The following LARP1B variants were observed in gnomAD, a reference collection of about 807,000 sequenced individuals.
The protein encoded by LARP1B is La ribonucleoprotein 1B.
A neutral mutation model predicts 114.2 loss-of-function variants in LARP1B; 76 were observed. The ratio of observed to expected loss-of-function variants is 0.67; its 90% confidence interval spans 0.55 to 0.81. The LOEUF (loss-of-function observed/expected upper bound fraction) is 0.81, where lower values mean the gene tolerates loss of function less well. Among genes scored for constraint, LARP1B ranks in the 30% least tolerant of loss-of-function variants. The pLI, the probability that LARP1B is intolerant of heterozygous loss-of-function variation, is 0.00. For synonymous variants in LARP1B, 345 were observed against 348.0 expected (o/e 0.99, Z 0.10); for missense variants, 1,014 against 1,075.8 (o/e 0.94, Z 0.80).
Position 128,184,037 on chromosome 4 carries a change from C to A in LARP1B, c.2003+4525C>A, listed in dbSNP as rs183872608. ...AGGAATTGCTTCTTATGGACGAGCA[C>A]AGAGAGTAGTTTCTTGAGATAGAAT... On this transcript the variant is annotated intron_variant, in intron 15 of 19. Coordinates refer to ENST00000326639, the MANE Select transcript of LARP1B (RefSeq NM_018078.4). Among the ~76,000 whole-genome samples, 71 of 152,280 alleles carry A rather than the reference C, an allele frequency of 4.7e-4. 2 individuals are homozygous for A. The East Asian group carries it at 0.011, about 24-fold the overall frequency.
chr4:128,085,659 C>T (rs1249465178), intron 5 of LARP1B, among the ~76,000 whole-genome samples: 1 of 152,212 alleles, frequency 6.6e-6, no homozygotes, highest in Non-Finnish European at 1.5e-5. Context: ...TGAGCCACCG[C>T]ACTTAGCTTC....
At chr4:128,072,725 T>A (rs1321077109) in intron 1 of LARP1B, among the ~76,000 whole-genome samples, 1 of 151,998 alleles carries the variant, frequency 6.6e-6, no homozygotes, top group Non-Finnish European at 1.5e-5. Context: ...CCTGGTTAAT[T>A]TTTGTTTTTT....
chr4:128,207,247 TG>T lies in LARP1B; in HGVS notation c.2420-8del. On this transcript the variant is annotated splice_polypyrimidine_tract_variant and splice_region_variant and intron_variant, in intron 18 of 19. Transcript: ENST00000326639. ...ATAATTCATAATGTATATTATTCTTTGTTATTAGGTCAGCTGTATGGACTAG... is the reference window on the plus strand; with the variant it reads ...ATAATTCATAATGTATATTATTCTTTTTATTAGGTCAGCTGTATGGACTAG... The T allele has an allele frequency of 2.3e-6, 3 of 1,296,562 alleles. No individual in the cohort carries two copies. The highest frequency in any genetic ancestry group is 3.1e-6 in the Non-Finnish European group (3 of 965,672). The allele number at this position is 1,296,562 out of a possible 1,614,324, so 80.3% of individuals were successfully genotyped here.
At chr4:128,083,357 C>G (rs1171319891) in intron 5 of LARP1B, among the ~76,000 whole-genome samples, 1 of 152,114 alleles carries the variant, frequency 6.6e-6, no homozygotes, top group East Asian at 1.9e-4. Flanking sequence ...GGGTGGTGGC[C>G]GGGCAGAGGG....
chr4:128,209,446 CAAAA>C (rs201104285), intron 19 of LARP1B, among the ~76,000 whole-genome samples: 1 of 151,234 alleles, frequency 6.6e-6, no homozygotes, highest in Non-Finnish European at 1.5e-5. Flanking sequence ...AACAAGCAAA[CAAAA>C]AAAACACTCG....
At chr4:128,144,574 A>T (rs560756437) in intron 11 of LARP1B, among the ~76,000 whole-genome samples, 1 of 152,034 alleles carries the variant, frequency 6.6e-6, no homozygotes, top group East Asian at 1.9e-4. Flanking sequence ...GGCTCAAGTG[A>T]TCTTCCCACA....
intron 7 of LARP1B, among the ~76,000 whole-genome samples, chr4:128,093,839 T>A (rs1334226484): frequency 1.3e-5 from 2 of 150,642 alleles, no homozygotes; most frequent in African/African-American, 4.9e-5. Flanking sequence ...GCCTCCCGAG[T>A]GGCTGTGATT....
chr4:128,106,747 C>G (rs1214310022), intron 8 of LARP1B, among the ~76,000 whole-genome samples: 1 of 151,808 alleles, frequency 6.6e-6, no homozygotes, highest in Non-Finnish European at 1.5e-5. Flanking sequence ...ACATGTAGTA[C>G]TTATTATTCA....
chr4:128,190,838 T>TAG (rs1752036290), intron 15 of LARP1B, among the ~76,000 whole-genome samples: 1 of 152,248 alleles, frequency 6.6e-6, no homozygotes, highest in African/African-American at 2.4e-5. Flanking sequence ...CTTCTGTACC[T>TAG]AGATATTTAT....
At chr4:128,099,514 T>C (rs1040205225) in intron 8 of LARP1B, among the ~76,000 whole-genome samples, 1 of 152,054 alleles carries the variant, frequency 6.6e-6, no homozygotes, top group Non-Finnish European at 1.5e-5. Context: ...GCCTTTTGTT[T>C]CTGATTTTTC....
At chr4:128,081,378 CT>C (rs35763535) in intron 4 of LARP1B, among the ~76,000 whole-genome samples, 62,467 of 109,620 alleles carry the variant, frequency 0.57, 16,436 homozygotes, top group Middle Eastern at 0.74. Context: ...TGCGCCCGGC[CT>C]TTTTTTTTTT....
intron 7 of LARP1B, among the ~76,000 whole-genome samples, chr4:128,093,588 T>C (rs1776649821): frequency 6.6e-6 from 1 of 151,568 alleles, no homozygotes; most frequent in Admixed American, 6.6e-5. Context: ...AGAGCCAGAC[T>C]CTGTCTCAAA....
chr4:128,186,663 C>G (rs1421554078), intron 15 of LARP1B, among the ~76,000 whole-genome samples: 1 of 152,160 alleles, frequency 6.6e-6, no homozygotes, highest in Non-Finnish European at 1.5e-5. Context: ...ACTTACAGTA[C>G]TATGTTCAAT....
chr4:128,176,305 T>A (rs577818416), intron 12 of LARP1B, among the ~76,000 whole-genome samples: 10 of 147,850 alleles, frequency 6.8e-5, no homozygotes, highest in South Asian at 2.1e-4. Context: ...ATATATATTT[T>A]TTTTTTAGAT....
chr4:128,216,917 A>C (rs1225275130), downstream of LARP1B, among the ~76,000 whole-genome samples: 1 of 152,154 alleles, frequency 6.6e-6, no homozygotes, highest in African/African-American at 2.4e-5. Flanking sequence ...TAAAGAAAAA[A>C]AGAGAAGAAT....
intron 11 of LARP1B, among the ~76,000 whole-genome samples, chr4:128,130,505 C>T (rs966691043): frequency 1.3e-5 from 2 of 152,180 alleles, no homozygotes; most frequent in African/African-American, 4.8e-5. Flanking sequence ...ACTGTAGATT[C>T]ATTAGGAGTG....
rs1008117158 is a variant in LARP1B, at chr4:128,069,317, C to T, written c.-77-5143C>T. On this transcript the variant is annotated intron_variant, in intron 1 of 19. Transcript: ENST00000326639. ...GAGCCCCACAGTGGCATCCAGCTTG[C>T]CGCTTTGCAATGGACTGAAGACTTT... 8 of 824,540 alleles carry T rather than the reference C, an allele frequency of 9.7e-6. No homozygotes were observed. The African/African-American group carries it at 1.0e-4, about 10-fold the overall frequency. 51.1% of individuals were successfully genotyped at this position (824,540 alleles called of 1,614,324 possible).
rs1012896646 is a variant in LARP1B at position 128,209,729 on chromosome 4, A to G, written c.2548-127A>G. 2.7e-3 allele frequency: 1,996 copies of G among 731,592 alleles called. 23 individuals carry two copies. In the African/African-American group the frequency reaches 0.031, roughly 11 times the overall value. 45.3% of individuals were successfully genotyped at this position (731,592 alleles called of 1,614,324 possible). A position where few individuals can be genotyped will look rare whatever the true frequency, so the allele number is the denominator to read the frequency against. ...CAGAATGAGACTCCATCAAAAAAAA[A>G]AAAAAAAAAAAAAATTATACTGAAG... On this transcript the variant is annotated intron_variant, in intron 19 of 19. Coordinates refer to ENST00000326639, the MANE Select transcript of LARP1B (RefSeq NM_018078.4).
At chr4:128,062,592 C>CTTTTTTTTTTTTTTTTT (rs10659836) in intron 1 of LARP1B, among the ~76,000 whole-genome samples, 13 of 128,248 alleles carry the variant, frequency 1.0e-4, no homozygotes, top group African/African-American at 3.8e-4. Flanking sequence ...TTTTGGTAGA[C>CTTTTTTTTTTTTTTTTT]TTTTTTTTTT....
Sources: gnomAD v4.1 joint callset for allele counts (sites outside exome capture counted in the v4.1 genomes callset) on GRCh38, gnomAD v4.1.1 for gene constraint, MANE v1.5 for transcripts, NCBI Gene and HGNC (gene_info 2026-07-23, HGNC 2026-07-21) for gene names.